AP3B1: variants seen among roughly 807,000 people sequenced by gnomAD.
AP3B1 encodes the protein AP-3 complex subunit beta-1.
A neutral mutation model predicts 132.5 loss-of-function variants in AP3B1; 61 were observed. That is an observed-to-expected ratio of 0.46 (90% confidence interval 0.37 to 0.57). AP3B1 has a LOEUF of 0.57. Ranked by LOEUF, AP3B1 falls within the 20% of genes least tolerant of loss-of-function variation. AP3B1 has a pLI of 0.00. For missense variants in AP3B1, 1,120 were observed against 1,289.4 expected (o/e 0.87, Z 2.01); for synonymous variants, 388 against 438.3 (o/e 0.89, Z 1.43).
chr5:78,267,482 A>G (rs1748371766), intron 2 of AP3B1, 38 bp downstream of exon 2: 3 of 1,318,834 alleles, frequency 2.3e-6, no homozygotes, highest in South Asian at 2.4e-5. Context: ...CTGCTTGTCC[A>G]TTTTTCCAAA....
chr5:78,290,039 C>G (rs4386716), intron 1 of AP3B1, among the ~76,000 whole-genome samples: 35,155 of 152,050 alleles, frequency 0.23, 4,658 homozygotes, highest in Middle Eastern at 0.31. Context: ...TCCCAAATAG[C>G]GTTAGTTAAT....
At chr5:78,051,334 C>G (rs1748574551) in intron 22 of AP3B1, among the ~76,000 whole-genome samples, 1 of 152,084 alleles carries the variant, frequency 6.6e-6, no homozygotes, top group African/African-American at 2.4e-5. Context: ...GTGCAGTTAG[C>G]TGGTAATGGA....
At chr5:78,184,784 G>A (rs1315136629) in intron 7 of AP3B1, among the ~76,000 whole-genome samples, 4 of 151,712 alleles carry the variant, frequency 2.6e-5, no homozygotes, top group African/African-American at 7.3e-5. Context: ...AGAAGAGACA[G>A]AGGCAAGAGT....
intron 2 of AP3B1, among the ~76,000 whole-genome samples, chr5:78,258,703 A>G (rs1460849261): frequency 6.6e-6 from 1 of 152,214 alleles, no homozygotes; most frequent in Admixed American, 6.5e-5. Flanking sequence ...TACAACCCAA[A>G]AGAAAGAAAA....
chr5:78,019,831 AC>A (rs1203067382), intron 25 of AP3B1, among the ~76,000 whole-genome samples: 2 of 151,932 alleles, frequency 1.3e-5, no homozygotes, highest in African/African-American at 4.8e-5. Flanking sequence ...TGTGCCTAGT[AC>A]GTTCTGGAAG....
At chr5:78,074,436 T>G (rs1749676494) in intron 22 of AP3B1, among the ~76,000 whole-genome samples, 1 of 152,144 alleles carries the variant, frequency 6.6e-6, no homozygotes, top group South Asian at 2.1e-4. Context: ...GGCCAGTGAT[T>G]TTTCATTATT....
chr5:78,081,544 G>A (rs1016697371), intron 22 of AP3B1, among the ~76,000 whole-genome samples: 9 of 151,886 alleles, frequency 5.9e-5, no homozygotes, highest in African/African-American at 1.7e-4. Context: ...TGATCCGCCC[G>A]CCTCGGCCTT....
At chr5:78,021,470 CATG>C (rs1229729011) in intron 24 of AP3B1, among the ~76,000 whole-genome samples, 1 of 152,056 alleles carries the variant, frequency 6.6e-6, no homozygotes, top group East Asian at 1.9e-4. Flanking sequence ...ACCTAAGTCT[CATG>C]ATATTATGAT....
At chr5:78,067,271 A>C (rs933374952) in intron 22 of AP3B1, among the ~76,000 whole-genome samples, 5 of 152,242 alleles carry the variant, frequency 3.3e-5, no homozygotes, top group African/African-American at 1.2e-4. Flanking sequence ...TTCATAAAAC[A>C]AGCTCTCAGA....
At position 78,087,147 on chromosome 5, in the gene AP3B1, A is replaced by G. The variant is rs145962773; in HGVS notation, c.2577+2246T>C. 1.2e-3 allele frequency among the ~76,000 whole-genome samples: 186 copies of G among 152,314 alleles called. 1 individual carries two copies. Among genetic ancestry groups the G allele is most frequent in the African/African-American group, 4.3e-3 (178 of 41,588 alleles). On this transcript the variant is annotated intron_variant, in intron 22 of 26. Coordinates refer to ENST00000255194, the MANE Select transcript of AP3B1 (RefSeq NM_003664.5). ...TTACTTTTATTTTTTCTATTCAACT[A>G]GGACAACATGTTGACTTTAAAATTA... is the stretch of plus-strand genomic sequence containing the variant.
intron 22 of AP3B1, among the ~76,000 whole-genome samples, chr5:78,067,289 A>G (rs1021426363): frequency 6.6e-6 from 1 of 152,220 alleles, no homozygotes; most frequent in Non-Finnish European, 1.5e-5. Flanking sequence ...AGAACCTACA[A>G]AGAGACTTAA....
rs146849359 is a variant in AP3B1, at chr5:78,003,013, G to C, written c.3174C>G (p.Val1058=). ...TAGAGCCTTCCTTCAGTTCCACTGTGACTAGCATCAATGACCCACTGTGCA... is the reference window on the plus strand; with the variant it reads ...TAGAGCCTTCCTTCAGTTCCACTGTCACTAGCATCAATGACCCACTGTGCA... The part of the protein sequence containing the change: ...KTVHSGSLML[V]TVELKEGSTA... Residue 1058 remains valine (V), a synonymous_variant, in exon 27 of 27, where the codon GTC becomes GTG. Transcript: ENST00000255194. The C allele has an allele frequency of 1.2e-6, 2 of 1,614,076 alleles. No homozygotes were observed. The highest frequency in any genetic ancestry group is 2.7e-5 in the African/African-American group (2 of 74,936).
chr5:78,243,734 A>G (rs1381305910), intron 2 of AP3B1, among the ~76,000 whole-genome samples: 1 of 152,206 alleles, frequency 6.6e-6, no homozygotes, highest in Non-Finnish European at 1.5e-5. Context: ...CTAGGGAAAC[A>G]ATGGTTTAGG....
At chr5:78,245,360 C>A (rs1470984197) in intron 2 of AP3B1, among the ~76,000 whole-genome samples, 1 of 152,166 alleles carries the variant, frequency 6.6e-6, no homozygotes. Flanking sequence ...TAACTAGGAG[C>A]CTGCACGCCT....
chr5:78,007,138 G>C (rs1428202397), intron 26 of AP3B1, among the ~76,000 whole-genome samples: 1 of 152,108 alleles, frequency 6.6e-6, no homozygotes, highest in African/African-American at 2.4e-5. Flanking sequence ...CATGTTCTTT[G>C]TTAGAAGGAA....
intron 24 of AP3B1, among the ~76,000 whole-genome samples, chr5:78,022,609 A>G (rs937527112): frequency 6.6e-6 from 1 of 152,160 alleles, no homozygotes; most frequent in African/African-American, 2.4e-5. Flanking sequence ...TGGTTACTTT[A>G]CTTATATAAC....
intron 24 of AP3B1, among the ~76,000 whole-genome samples, chr5:78,024,706 A>G (rs999745200): frequency 6.6e-6 from 1 of 151,746 alleles, no homozygotes; most frequent in African/African-American, 2.4e-5. Flanking sequence ...CCGGGATTAC[A>G]GGTGCATGCC....
At position 78,227,268 on chromosome 5, in the gene AP3B1, G is replaced by A. The variant is rs7714159; in HGVS notation, c.536+104C>T. 0.33 allele frequency: 360,052 copies of A among 1,099,838 alleles called. 59,700 individuals are homozygous for A. The highest frequency in any genetic ancestry group is 0.41 in the Middle Eastern group (1,528 of 3,752). 68.1% of individuals were successfully genotyped at this position (1,099,838 alleles called of 1,614,324 possible). A position where few individuals can be genotyped will look rare whatever the true frequency, so the allele number is the denominator to read the frequency against. On this transcript the variant is annotated intron_variant, in intron 5 of 26. Transcript: ENST00000255194. ...CATACAGTCACTGGATTTACTTAGT[G>A]TAAGAGCAGCCTACCTAAAAGAGCG...
intron 8 of AP3B1, among the ~76,000 whole-genome samples, chr5:78,179,163 TA>T (rs1561460781): frequency 6.6e-6 from 1 of 152,170 alleles, no homozygotes; most frequent in African/African-American, 2.4e-5. Flanking sequence ...ATCAGTCATT[TA>T]AAAAAATATT....
Sources: gnomAD v4.1 joint callset for allele counts (sites outside exome capture counted in the v4.1 genomes callset) on GRCh38, gnomAD v4.1.1 for gene constraint, MANE v1.5 for transcripts, NCBI Gene and HGNC (gene_info 2026-07-23, HGNC 2026-07-21) for gene names.